Variants in PDLIM5 observed in about 807,000 individuals in gnomAD.
PDLIM5 encodes PDZ and LIM domain protein 5.
In PDLIM5, 34 loss-of-function variants were observed where a neutral mutation model predicts 64.2. That is an observed-to-expected ratio of 0.53 (90% confidence interval 0.40 to 0.71). The LOEUF (loss-of-function observed/expected upper bound fraction) is 0.71. Among genes scored for constraint, PDLIM5 ranks in the 30% least tolerant of loss-of-function variants. The pLI is 0.00. For synonymous variants in PDLIM5, 253 were observed against 269.1 expected (o/e 0.94, Z 0.59); for missense variants, 683 against 733.6 (o/e 0.93, Z 0.80).
chr4:94,593,824 A>G (rs1736859079), intron 7 of PDLIM5, among the ~76,000 whole-genome samples: 1 of 152,102 alleles, frequency 6.6e-6, no homozygotes. Flanking sequence ...ATTGACTTGG[A>G]CCCAATTGGA....
rs140580379 is a variant in PDLIM5 at position 94,475,006 on chromosome 4, A to C, written c.96+19622A>C. ...TTCTTGGGAAGGGGCAGTTTTTCCAAATTATTTTTCATATCAACTTTGATT... is the reference window on the plus strand; with the variant it reads ...TTCTTGGGAAGGGGCAGTTTTTCCACATTATTTTTCATATCAACTTTGATT... On this transcript the variant is annotated intron_variant, in intron 2 of 12. Coordinates refer to ENST00000317968, the MANE Select transcript of PDLIM5 (RefSeq NM_006457.5). 7.9e-5 allele frequency among the ~76,000 whole-genome samples: 12 copies of C among 152,272 alleles called. No homozygotes were observed. The East Asian group carries it at 2.3e-3, about 29-fold the overall frequency.
chr4:94,462,155 A>T (rs944305444), intron 2 of PDLIM5, among the ~76,000 whole-genome samples: 1 of 152,146 alleles, frequency 6.6e-6, no homozygotes, highest in African/African-American at 2.4e-5. Context: ...GAGCCACTGC[A>T]CCCAGCTTAA....
At chr4:94,607,366 C>A (rs1011993588) in intron 7 of PDLIM5, among the ~76,000 whole-genome samples, 4 of 150,544 alleles carry the variant, frequency 2.7e-5, no homozygotes, top group Non-Finnish European at 5.9e-5. Flanking sequence ...ACATTGAGTT[C>A]TTCATTTTTT....
In PDLIM5 at chr4:94,455,635, A is replaced by T. The variant is rs114292450; in HGVS notation, c.96+251A>T. ...AAAATGGAAAAAGCATTTAACTAGG[A>T]ACAGACTGTACATTTTTGAACTGTC... On this transcript the variant is annotated intron_variant, in intron 2 of 12. Transcript: ENST00000317968. 200 of 696,596 alleles carry T rather than the reference A, an allele frequency of 2.9e-4. No individual in the cohort carries two copies. The African/African-American group carries it at 3.2e-3, about 11-fold the overall frequency. The allele number at this position is 696,596 out of a possible 1,614,324, so 43.2% of individuals were successfully genotyped here.
At chr4:94,613,915 A>ATTT (rs1738560210) in intron 7 of PDLIM5, among the ~76,000 whole-genome samples, 1 of 149,012 alleles carries the variant, frequency 6.7e-6, no homozygotes, top group Non-Finnish European at 1.5e-5. Context: ...TATTGATAAT[A>ATTT]TTTTATTCCT....
chr4:94,498,008 C>G (rs780696359), intron 2 of PDLIM5, among the ~76,000 whole-genome samples: 9 of 152,110 alleles, frequency 5.9e-5, no homozygotes, highest in Admixed American at 3.9e-4. Flanking sequence ...TTGGAAAATC[C>G]TTTCTGAAGA....
chr4:94,547,621 G>A (rs1362792745), intron 3 of PDLIM5, among the ~76,000 whole-genome samples: 3 of 152,128 alleles, frequency 2.0e-5, no homozygotes, highest in African/African-American at 4.8e-5. Context: ...TTAGGACAGG[G>A]ACATCTTTGG....
At position 94,454,200 on chromosome 4, in the gene PDLIM5, A is replaced by G. The variant is rs1435475725; in HGVS notation, c.-42-1047A>G. Among the ~76,000 whole-genome samples, 3 of 151,952 alleles carry G rather than the reference A, an allele frequency of 2.0e-5. No homozygotes were observed. The East Asian group carries it at 5.8e-4, about 29-fold the overall frequency. ...AAGTATGTTTTTAATATAAAATTAC[A>G]TATCTGTTATGTTTTTAATATTTTT... On this transcript the variant is annotated intron_variant, in intron 1 of 12. Transcript: ENST00000317968.
intron 8 of PDLIM5, among the ~76,000 whole-genome samples, chr4:94,633,763 T>C (rs922319298): frequency 2.6e-5 from 4 of 152,060 alleles, no homozygotes; most frequent in Non-Finnish European, 5.9e-5. Context: ...GAATATAACA[T>C]GAGTGCTGTA....
rs117630985 is a variant in PDLIM5, at chr4:94,570,876, T to C, written c.249-2475T>C. Among the ~76,000 whole-genome samples the C allele has an allele frequency of 2.1e-3, 315 of 152,330 alleles. 6 individuals are homozygous for C. The East Asian group carries it at 0.053, about 26-fold the overall frequency. ...CCTCCTTTTTTTCTGTGTGATTGTTTACGAGTTAAGTATATTAGATGCTTG... is the reference window on the plus strand; with the variant it reads ...CCTCCTTTTTTTCTGTGTGATTGTTCACGAGTTAAGTATATTAGATGCTTG... On this transcript the variant is annotated intron_variant, in intron 3 of 12. Coordinates refer to ENST00000317968, the MANE Select transcript of PDLIM5 (RefSeq NM_006457.5).
chr4:94,650,937 G>A (rs534464637), intron 9 of PDLIM5, among the ~76,000 whole-genome samples: 17 of 151,966 alleles, frequency 1.1e-4, no homozygotes, highest in Non-Finnish European at 2.2e-4. Flanking sequence ...CCATTTGTCA[G>A]TCAACATGTA....
intron 3 of PDLIM5, among the ~76,000 whole-genome samples, chr4:94,534,581 G>T (rs1731158942): frequency 6.6e-6 from 1 of 152,146 alleles, no homozygotes; most frequent in Admixed American, 6.5e-5. Flanking sequence ...CCATTCTAAT[G>T]GAAAGCCTTT....
chr4:94,582,710 C>T, intron 5 of PDLIM5: 1 of 1,571,456 alleles, frequency 6.4e-7, no homozygotes, highest in Non-Finnish European at 8.7e-7. Flanking sequence ...TGTTATTCTT[C>T]CCTCAGTAAC....
chr4:94,523,047 A>T (rs1404073254), intron 2 of PDLIM5, among the ~76,000 whole-genome samples: 1 of 152,226 alleles, frequency 6.6e-6, no homozygotes, highest in African/African-American at 2.4e-5. Flanking sequence ...TAATGTAAAC[A>T]CATAGAAGAT....
chr4:94,492,590 G>A (rs1030848033), intron 2 of PDLIM5, among the ~76,000 whole-genome samples: 1 of 151,944 alleles, frequency 6.6e-6, no homozygotes, highest in African/African-American at 2.4e-5. Context: ...CTGTCTTTAC[G>A]GATTTACCTA....
intron 8 of PDLIM5, among the ~76,000 whole-genome samples, chr4:94,622,564 ATGCC>A (rs1455350499): frequency 3.3e-5 from 5 of 152,134 alleles, no homozygotes; most frequent in Admixed American, 6.5e-5. Flanking sequence ...CAAAATAGAA[ATGCC>A]TGCCCTTTGC....
In PDLIM5 at chr4:94,618,064, C is replaced by T. The variant is rs116241517; in HGVS notation, c.981C>T (p.Pro327=). ...ASSVASTRSM[P]ESLDSPTSGR... ...CGGTAGCTTCCACACGGAGCATGCC[C>T]GAGAGCCTGGACAGCCCAACCTCTG... The change falls in exon 8 of 13, where the codon CCC becomes CCT. Residue 327 remains proline (P), a synonymous_variant. Coordinates refer to ENST00000317968, the MANE Select transcript of PDLIM5 (RefSeq NM_006457.5). The T allele has an allele frequency of 6.2e-4, 995 of 1,610,604 alleles. 15 individuals are homozygous for T. In the East Asian group the frequency reaches 0.017, roughly 28 times the overall value.
At chr4:94,589,055 C>T (rs1736470933) in intron 7 of PDLIM5, among the ~76,000 whole-genome samples, 1 of 152,110 alleles carries the variant, frequency 6.6e-6, no homozygotes, top group Admixed American at 6.5e-5. Context: ...TGTCTCTGGC[C>T]TCTGTAAGAA....
At chr4:94,605,105 G>A (rs1417816793) in intron 7 of PDLIM5, among the ~76,000 whole-genome samples, 1 of 152,144 alleles carries the variant, frequency 6.6e-6, no homozygotes, top group East Asian at 1.9e-4. Flanking sequence ...TTTAAAAGAG[G>A]ACACAAAGCA....
Sources: gnomAD v4.1 joint callset for allele counts (sites outside exome capture counted in the v4.1 genomes callset) on GRCh38, gnomAD v4.1.1 for gene constraint, MANE v1.5 for transcripts, NCBI Gene and HGNC (gene_info 2026-07-23, HGNC 2026-07-21) for gene names.